The following RPSA2 variants were observed in gnomAD, a reference collection of about 807,000 sequenced individuals.
RPSA2 encodes ribosomal protein SA 2, also known as small ribosomal subunit protein uS2B.
the RPSA2 span, among the ~76,000 whole-genome samples, chr19:23,835,729 C>T: frequency 6.6e-6 from 1 of 151,952 alleles, no homozygotes; most frequent in Non-Finnish European, 1.5e-5. Flanking sequence ...CTCTGCCTCT[C>T]AGGTTCAAGC....
the RPSA2 span, among the ~76,000 whole-genome samples, chr19:23,795,188 A>C: frequency 4.2e-4 from 9 of 21,376 alleles, no homozygotes; most frequent in East Asian, 0.014. Context: ...ATTTTACAAT[A>C]GTTTTTTTTT....
the RPSA2 span, among the ~76,000 whole-genome samples, chr19:23,822,508 G>A: frequency 2.6e-5 from 4 of 152,158 alleles, no homozygotes; most frequent in Non-Finnish European, 4.4e-5. Context: ...GGGGTATGAT[G>A]TTTCCAGTTT....
the RPSA2 span, among the ~76,000 whole-genome samples, chr19:23,788,804 A>C: frequency 6.6e-6 from 1 of 152,054 alleles, no homozygotes; most frequent in East Asian, 1.9e-4. Flanking sequence ...TGGCCTTGTG[A>C]CATGTTTTGG....
chr19:23,842,680 A>G, the RPSA2 span: 2 of 152,448 alleles, frequency 1.3e-5, no homozygotes, highest in Non-Finnish European at 2.9e-5. Context: ...CTCAGAATAA[A>G]TTTTCACCAG....
the RPSA2 span, among the ~76,000 whole-genome samples, chr19:23,821,439 G>T: frequency 2.6e-3 from 397 of 152,296 alleles, no homozygotes; most frequent in Non-Finnish European, 4.3e-3. Context: ...CCTAGTTAAG[G>T]CTTCTTTGAT....
chr19:23,832,762 C>A, the RPSA2 span: 1 of 1,568,990 alleles, frequency 6.4e-7, no homozygotes, highest in Non-Finnish European at 8.7e-7. Flanking sequence ...GTCATCAATC[C>A]TTACTCGACA....
chr19:23,773,964 A>C, the RPSA2 span, among the ~76,000 whole-genome samples: 1 of 145,850 alleles, frequency 6.9e-6, no homozygotes, highest in Non-Finnish European at 1.5e-5. Context: ...CTGCAGGTTT[A>C]ATTGTAACAT....
the RPSA2 span, among the ~76,000 whole-genome samples, chr19:23,760,179 C>T: frequency 6.6e-6 from 1 of 152,082 alleles, no homozygotes; most frequent in Non-Finnish European, 1.5e-5. Flanking sequence ...AAATGACTTC[C>T]CAGGGTCTCC....
the RPSA2 span, among the ~76,000 whole-genome samples, chr19:23,767,772 T>G: frequency 1.4e-5 from 2 of 143,238 alleles, no homozygotes; most frequent in South Asian, 4.8e-4. Flanking sequence ...TTTTTTTTTT[T>G]TTTTTTTTTT....
At chr19:23,778,149 C>T in the RPSA2 span, among the ~76,000 whole-genome samples, 1 of 152,176 alleles carries the variant, frequency 6.6e-6, no homozygotes, top group Non-Finnish European at 1.5e-5. Context: ...CTAAACCCTG[C>T]CTACTGGGGG....
chr19:23,811,048 A>G, the RPSA2 span, among the ~76,000 whole-genome samples: 1 of 144,660 alleles, frequency 6.9e-6, no homozygotes, highest in African/African-American at 2.6e-5. Flanking sequence ...GCTCTGTCAC[A>G]CAGACTGGAG....
chr19:23,782,509 C>G, the RPSA2 span: 5 of 152,140 alleles, frequency 3.3e-5, no homozygotes, highest in Admixed American at 2.6e-4. Context: ...GGTAAATGCC[C>G]TTTATACCTA....
the RPSA2 span, among the ~76,000 whole-genome samples, chr19:23,810,183 G>A: frequency 6.6e-6 from 1 of 152,126 alleles, no homozygotes; most frequent in South Asian, 2.1e-4. Flanking sequence ...CACGAGGTCA[G>A]GAGATCAAGA....
At chr19:23,868,085 C>G in the RPSA2 span, among the ~76,000 whole-genome samples, 1 of 152,128 alleles carries the variant, frequency 6.6e-6, no homozygotes, top group Non-Finnish European at 1.5e-5. Context: ...CAGAAGATGG[C>G]GACTGCTGCA....
At chr19:23,869,188 C>T in the RPSA2 span, among the ~76,000 whole-genome samples, 2 of 152,122 alleles carry the variant, frequency 1.3e-5, no homozygotes, top group Admixed American at 6.5e-5. Context: ...ACCCCTATGT[C>T]TGGCTCCCCC....
the RPSA2 span, among the ~76,000 whole-genome samples, chr19:23,845,781 C>T: frequency 1.3e-5 from 2 of 152,210 alleles, no homozygotes; most frequent in Non-Finnish European, 2.9e-5. Flanking sequence ...TGTGAGCCAC[C>T]ACCTCTGGCT....
At chr19:23,774,567 C>T in the RPSA2 span, among the ~76,000 whole-genome samples, 2 of 152,174 alleles carry the variant, frequency 1.3e-5, no homozygotes, top group Non-Finnish European at 2.9e-5. Flanking sequence ...TAACATGAGT[C>T]TCCTGTATGG....
chr19:23,774,737 C>T, the RPSA2 span, among the ~76,000 whole-genome samples: 9 of 152,152 alleles, frequency 5.9e-5, no homozygotes, highest in Non-Finnish European at 1.2e-4. Flanking sequence ...TTACAGGGAG[C>T]ATTGTGACAT....
At chr19:23,761,940 T>C in the RPSA2 span, among the ~76,000 whole-genome samples, 1 of 39,386 alleles carries the variant, frequency 2.5e-5, no homozygotes, top group African/African-American at 1.1e-4. Context: ...TTTTTTGAGA[T>C]GGAGTCTTGC....
Sources: gnomAD v4.1 joint callset for allele counts (sites outside exome capture counted in the v4.1 genomes callset) on GRCh38, gnomAD v4.1.1 for gene constraint, MANE v1.5 for transcripts, NCBI Gene and HGNC (gene_info 2026-07-23, HGNC 2026-07-21) for gene names.